Variants in CHMP1A observed in about 807,000 individuals in gnomAD.
CHMP1A encodes the protein charged multivesicular body protein 1A.
Under a neutral mutation model 27.0 loss-of-function variants are expected in CHMP1A, and 17 were observed. That is an observed-to-expected ratio of 0.63 (90% CI 0.43 to 0.95). CHMP1A has a LOEUF of 0.95. Ranked by LOEUF, CHMP1A falls within the 40% of genes least tolerant of loss-of-function variation. The pLI is 0.00. For missense variants in CHMP1A, 275 were observed against 264.0 expected (o/e 1.04, Z -0.29); for synonymous variants, 131 against 107.5 (o/e 1.22, Z -1.35).
chr16:89,647,146 C>G (rs1375120793), intron 5 of CHMP1A, 57 bp downstream of exon 5: 1 of 1,589,124 alleles, frequency 6.3e-7, no homozygotes, highest in Non-Finnish European at 8.5e-7. Context: ...TCCCGATGAG[C>G]TGCCCACACA....
At chr16:89,654,067 C>G (rs371721171) in intron 1 of CHMP1A, 144 bp from the exon 2 acceptor site, 3 of 867,268 alleles carry the variant, frequency 3.5e-6, no homozygotes, top group African/African-American at 3.3e-5. Flanking sequence ...TTCGGGGAGC[C>G]CCCCCCAACA....
At chr16:89,652,927 C>A (rs2059836188) in intron 2 of CHMP1A, among the ~76,000 whole-genome samples, 1 of 152,052 alleles carries the variant, frequency 6.6e-6, no homozygotes, top group African/African-American at 2.4e-5. Context: ...GAGGAATACT[C>A]AGAAAGCTCT....
intron 4 of CHMP1A, among the ~76,000 whole-genome samples, chr16:89,648,726 A>T (rs112257423): frequency 0.026 from 2,964 of 115,284 alleles, 40 homozygotes; most frequent in African/African-American, 0.04. Context: ...CTGTCTCTAC[A>T]TAAAAATGAA....
At chr16:89,648,633 A>G (rs572668352) in intron 4 of CHMP1A, among the ~76,000 whole-genome samples, 76 of 152,280 alleles carry the variant, frequency 5.0e-4, no homozygotes, top group African/African-American at 1.7e-3. Context: ...GTTCACGCCT[A>G]TAATTCCAGC....
intron 1 of CHMP1A, among the ~76,000 whole-genome samples, chr16:89,654,686 T>C (rs1028318652): frequency 1.3e-5 from 2 of 152,128 alleles, no homozygotes; most frequent in South Asian, 2.1e-4. Context: ...CTCACGCCTG[T>C]AATCCCAGCA....
At chr16:89,651,538 A>G in intron 3 of CHMP1A, 31 bp downstream of exon 3, 5 of 1,602,190 alleles carry the variant, frequency 3.1e-6, no homozygotes, top group Non-Finnish European at 3.4e-6. Context: ...AAACCAGGAG[A>G]GTCATGACCC....
chr16:89,646,967 T>A, intron 5 of CHMP1A: 1 of 1,389,872 alleles, frequency 7.2e-7, no homozygotes. Flanking sequence ...CATGCTTGTC[T>A]GCCATCCGAG....
In CHMP1A at chr16:89,650,863, G is replaced by T. The variant is rs570683541; in HGVS notation, c.105+706C>A. 4.0e-5 allele frequency among the ~76,000 whole-genome samples: 6 copies of T among 151,782 alleles called. No individual in the cohort carries two copies. In the South Asian group the frequency reaches 1.0e-3, roughly 26 times the overall value. On this transcript the variant is annotated intron_variant, in intron 3 of 6. Transcript: ENST00000397901. The stretch of plus-strand genomic sequence containing the variant: ...AGCTAGCAGCCCTCCTCCTGCAGAT[G>T]GCAAAATCAAGTTCAGAATGTTGGA...
At chr16:89,646,937 G>A in intron 5 of CHMP1A, 3 of 1,142,662 alleles carry the variant, frequency 2.6e-6, no homozygotes, top group Non-Finnish European at 3.7e-6. Flanking sequence ...GCCGCGGGTG[G>A]ACATCTTTCC....
Position 89,657,673 on chromosome 16 carries a change from A to G in CHMP1A, c.-85T>C, listed in dbSNP as rs904915242. 6.4e-7 allele frequency: 1 copy of G among 1,560,432 alleles called. No individual in the cohort carries two copies. ...TCAGGTCCCGGCGGCGATCGAACCG[A>G]CCAAGCTGCACCCGGCGGGGACTTC... is the stretch of plus-strand genomic sequence containing the variant. On this transcript the variant is annotated 5_prime_UTR_variant, in exon 1 of 7. Transcript: ENST00000397901.
At chr16:89,655,866 T>G (rs1180970386) in intron 1 of CHMP1A, among the ~76,000 whole-genome samples, 2 of 152,160 alleles carry the variant, frequency 1.3e-5, no homozygotes, top group African/African-American at 2.4e-5. Context: ...CCTCAGGTGA[T>G]CAACCAACCT....
chr16:89,653,964 T>A, intron 1 of CHMP1A, 41 bp from the exon 2 acceptor site: 8 of 1,608,040 alleles, frequency 5.0e-6, no homozygotes, highest in Non-Finnish European at 6.8e-6. Context: ...GGATTGGGAA[T>A]GGGACGTTAC....
Position 89,645,804 on chromosome 16 carries a change from T to A in CHMP1A, c.*262A>T. 1 of 1,111,026 alleles carries A rather than the reference T, an allele frequency of 9.0e-7. No homozygotes were observed. The highest frequency in any genetic ancestry group is 1.2e-6 in the Non-Finnish European group (1 of 801,330). 68.8% of individuals were successfully genotyped at this position (1,111,026 alleles called of 1,614,324 possible). On this transcript the variant is annotated 3_prime_UTR_variant, in exon 7 of 7. Coordinates refer to ENST00000397901, the MANE Select transcript of CHMP1A (RefSeq NM_002768.5). ...TGGGTGAAAGTCCACAGGGCCCCTC[T>A]TGGCCTCCCCGCTGTGGGCCCAGAG...
At chr16:89,650,171 CTTCTT>C (rs1159733817) in intron 3 of CHMP1A, among the ~76,000 whole-genome samples, 1 of 152,130 alleles carries the variant, frequency 6.6e-6, no homozygotes, top group Non-Finnish European at 1.5e-5. Flanking sequence ...AAGATCCTAC[CTTCTT>C]TTCTTTTTTT....
intron 4 of CHMP1A, among the ~76,000 whole-genome samples, chr16:89,647,595 C>T (rs374427559): frequency 1.6e-5 from 2 of 126,390 alleles, no homozygotes; most frequent in South Asian, 2.6e-4. Context: ...GAGAAAAGGC[C>T]GCCGACGTGG....
chr16:89,655,997 A>G (rs2059863627), intron 1 of CHMP1A, among the ~76,000 whole-genome samples: 1 of 151,644 alleles, frequency 6.6e-6, no homozygotes, highest in Non-Finnish European at 1.5e-5. Flanking sequence ...TACAGGCCTG[A>G]GCCACCACAC....
intron 5 of CHMP1A, 26 bp downstream of exon 5, chr16:89,647,177 C>G (rs778912864): frequency 6.2e-7 from 1 of 1,605,160 alleles, no homozygotes; most frequent in East Asian, 2.2e-5. Context: ...CCCCAGGCCA[C>G]AGCCCCAAGG....
At position 89,649,507 on chromosome 16, in the gene CHMP1A, G is replaced by T; in HGVS notation, c.106-10C>A. On this transcript the variant is annotated splice_polypyrimidine_tract_variant and intron_variant, in intron 3 of 6. Transcript: ENST00000397901. Reference sequence around the variant, plus strand: ...TTTTCTGCAGAAGGGCCTGAAACCCGCGGGGGAAAGCAGCTGGAAGAGCTT... The same window carrying T: ...TTTTCTGCAGAAGGGCCTGAAACCCTCGGGGGAAAGCAGCTGGAAGAGCTT... The T allele has an allele frequency of 6.2e-7, 1 of 1,613,346 alleles. No homozygotes were observed. Among genetic ancestry groups the T allele is most frequent in the Non-Finnish European group, 8.5e-7 (1 of 1,179,788 alleles).
intron 2 of CHMP1A, among the ~76,000 whole-genome samples, chr16:89,652,432 C>G (rs364623): frequency 9.9e-6 from 1 of 101,350 alleles, no homozygotes; most frequent in African/African-American, 3.8e-5. Flanking sequence ...ACCAGCACCT[C>G]GAGGAAACAG....
Sources: gnomAD v4.1 joint callset for allele counts (sites outside exome capture counted in the v4.1 genomes callset) on GRCh38, gnomAD v4.1.1 for gene constraint, MANE v1.5 for transcripts, NCBI Gene and HGNC (gene_info 2026-07-23, HGNC 2026-07-21) for gene names.